Variants in DSCC1 observed in about 807,000 individuals in gnomAD.
The protein encoded by DSCC1 is sister chromatid cohesion protein DCC1.
DSCC1 carries 32 observed loss-of-function variants against 48.2 expected under a neutral mutation model. The ratio of observed to expected loss-of-function variants is 0.66; its 90% CI spans 0.50 to 0.89. DSCC1 has a LOEUF of 0.89. DSCC1 is among the 40% of genes least tolerant of loss of function. The pLI is 0.00. For missense variants in DSCC1, 421 were observed against 471.7 expected (o/e 0.89, Z 1.00); for synonymous variants, 150 against 171.5 (o/e 0.87, Z 0.98).
At position 119,834,249 on chromosome 8, in the gene DSCC1, A is replaced by G. The variant is rs994246925; in HGVS notation, c.*644T>C. On this transcript the variant is annotated 3_prime_UTR_variant, in exon 9 of 9. Coordinates refer to ENST00000313655, the MANE Select transcript of DSCC1 (RefSeq NM_024094.3). The stretch of plus-strand genomic sequence containing the variant: ...AAGCTGTAAAGGAACTTTATCAAGC[A>G]TTCCAAAACCAACTAGAAATTACTT... The G allele has an allele frequency of 1.1e-4, 16 of 152,264 alleles. No homozygotes were observed. Among genetic ancestry groups the G allele is most frequent in the African/African-American group, 3.4e-4 (14 of 41,476 alleles). 9.4% of individuals were successfully genotyped at this position (152,264 alleles called of 1,614,324 possible).
intron 5 of DSCC1, among the ~76,000 whole-genome samples, 166 bp downstream of exon 5, chr8:119,843,443 C>T (rs982773500): frequency 6.6e-6 from 1 of 152,062 alleles, no homozygotes; most frequent in Admixed American, 6.6e-5. Context: ...ATGTATTCAC[C>T]CCAGTGACCA....
chr8:119,855,389 T>G (rs1827001525), intron 1 of DSCC1, among the ~76,000 whole-genome samples: 1 of 152,234 alleles, frequency 6.6e-6, no homozygotes, highest in African/African-American at 2.4e-5. Flanking sequence ...TTGCTCCCGC[T>G]GACACATGCC....
chr8:119,852,939 A>T, intron 2 of DSCC1, 108 bp downstream of exon 2: 1 of 995,012 alleles, frequency 1.0e-6, no homozygotes. Context: ...AACTTCTTAG[A>T]TTCTCCCTGA....
chr8:119,840,654 A>T (rs1429049709), intron 7 of DSCC1, among the ~76,000 whole-genome samples: 2 of 152,104 alleles, frequency 1.3e-5, no homozygotes, highest in Non-Finnish European at 2.9e-5. Flanking sequence ...GCTCACATCT[A>T]TAATCTCAGC....
chr8:119,836,707 G>A (rs1826689974), intron 8 of DSCC1, among the ~76,000 whole-genome samples: 1 of 152,026 alleles, frequency 6.6e-6, no homozygotes, highest in Non-Finnish European at 1.5e-5. Flanking sequence ...CTGGACCTCA[G>A]GGAAAAGGGC....
chr8:119,835,461 C>T (rs1241877220), intron 8 of DSCC1, among the ~76,000 whole-genome samples: 1 of 151,706 alleles, frequency 6.6e-6, no homozygotes, highest in Non-Finnish European at 1.5e-5. Context: ...GAGCGGAGAT[C>T]GCGCCACTGC....
At chr8:119,848,614 G>T (rs1381951080) in intron 3 of DSCC1, among the ~76,000 whole-genome samples, 1 of 152,100 alleles carries the variant, frequency 6.6e-6, no homozygotes, top group Non-Finnish European at 1.5e-5. Flanking sequence ...CTGCTCCTAG[G>T]TACATACCCA....
intron 2 of DSCC1, among the ~76,000 whole-genome samples, chr8:119,851,694 A>G (rs1487803296): frequency 6.6e-6 from 1 of 152,040 alleles, no homozygotes. Flanking sequence ...GTGCTTTCCA[A>G]TTTGCTGTAG....
At chr8:119,839,934 T>G (rs1826743074) in intron 7 of DSCC1, 1 of 152,254 alleles carries the variant, frequency 6.6e-6, no homozygotes, top group African/African-American at 2.4e-5. Context: ...TAAGCCCCTT[T>G]TCTTTGTTCT....
chr8:119,852,756 A>G (rs1281314033), intron 2 of DSCC1: 1 of 232,948 alleles, frequency 4.3e-6, no homozygotes, highest in Non-Finnish European at 8.3e-6. Context: ...ATCTACTAAA[A>G]ATGGGTAGAA....
chr8:119,840,976 T>C (rs2131296667), intron 7 of DSCC1, among the ~76,000 whole-genome samples: 1 of 151,476 alleles, frequency 6.6e-6, no homozygotes, highest in South Asian at 2.1e-4. Context: ...GACTAGCATT[T>C]ATTTATTTAT....
At chr8:119,850,831 A>T (rs756964177) in intron 2 of DSCC1, among the ~76,000 whole-genome samples, 9 of 152,222 alleles carry the variant, frequency 5.9e-5, no homozygotes, top group Non-Finnish European at 1.2e-4. Flanking sequence ...CTCCAAACCA[A>T]GTGGAAACAA....
Position 119,853,182 on chromosome 8 carries a change from A to G in DSCC1, c.216T>C (p.Ala72=), listed in dbSNP as rs368479366. 28 of 1,612,132 alleles carry G rather than the reference A, an allele frequency of 1.7e-5. No individual in the cohort carries two copies. Among genetic ancestry groups the G allele is most frequent in the Admixed American group, 6.7e-5 (4 of 59,816 alleles). Residue 72 remains alanine (A), a synonymous_variant, in exon 2 of 9, where the codon GCT becomes GCC. Transcript: ENST00000313655. ...ATGTTTTGTCTTTACTGCACAGCAC[A>G]GCTTGCTCGTCTTTATCACCACGAA... The part of the protein sequence containing the change: ...LVIRGDKDEQ[A]VLCSKDKTYD...
intron 8 of DSCC1, among the ~76,000 whole-genome samples, chr8:119,835,255 C>T (rs779807501): frequency 6.6e-6 from 1 of 152,068 alleles, no homozygotes; most frequent in Non-Finnish European, 1.5e-5. Context: ...GCCTGTAATC[C>T]CAGCACTTTG....
chr8:119,850,404 T>C lies in DSCC1; in HGVS notation c.464A>G (p.Glu155Gly). ...TACTTTTGAGCTATTTGAATCCTTC[T>C]CTTTTTGACTGTCAGGTCCTTCATA... ...NPYEGPDSQKEKDSNSSKYTT... is the reference protein window; with the variant it reads ...NPYEGPDSQKGKDSNSSKYTT... Residue 155 changes from glutamate (E) to glycine (G), a missense_variant, in exon 3 of 9, where the codon GAG becomes GGG. This residue lies in a region of DSCC1 where 9 missense variants were observed against 28.2 expected (regional missense o/e 0.32). Coordinates refer to ENST00000313655, the MANE Select transcript of DSCC1 (RefSeq NM_024094.3). 2 of 1,589,814 alleles carry C rather than the reference T, an allele frequency of 1.3e-6. No homozygotes were observed. The highest frequency in any genetic ancestry group is 1.7e-6 in the Non-Finnish European group (2 of 1,173,342).
intron 3 of DSCC1, 112 bp from the exon 4 acceptor site, chr8:119,847,192 C>G (rs2131304709): frequency 3.7e-6 from 3 of 801,120 alleles, no homozygotes; most frequent in Middle Eastern, 3.6e-4. Flanking sequence ...TATTTATGCA[C>G]TAGCTCAGTT....
chr8:119,850,018 T>G (rs1375648524), intron 3 of DSCC1, among the ~76,000 whole-genome samples: 3 of 152,104 alleles, frequency 2.0e-5, no homozygotes, highest in African/African-American at 7.2e-5. Context: ...TTAAATAAAT[T>G]TTTTACCTCT....
Position 119,855,854 on chromosome 8 carries a change from G to A in DSCC1, c.-59C>T, listed in dbSNP as rs1827011418. 2 of 1,407,622 alleles carry A rather than the reference G, an allele frequency of 1.4e-6. No individual in the cohort carries two copies. The highest frequency in any genetic ancestry group is 1.5e-5 in the African/African-American group (1 of 65,418). 87.2% of individuals were successfully genotyped at this position (1,407,622 alleles called of 1,614,324 possible). A position where few individuals can be genotyped will look rare whatever the true frequency, so the allele number is the denominator to read the frequency against. On this transcript the variant is annotated 5_prime_UTR_variant, in exon 1 of 9. Transcript: ENST00000313655. Reference sequence around the variant, plus strand: ...GGGTGGCTGCGGGCTTGGCGGGCAAGAAAGAAGTTCCCAAGCAGCCGGAAG... The same window carrying A: ...GGGTGGCTGCGGGCTTGGCGGGCAAAAAAGAAGTTCCCAAGCAGCCGGAAG...
Position 119,838,263 on chromosome 8 carries a change from T to C in DSCC1, c.1069A>G (p.Ile357Val). Residue 357 changes from isoleucine to valine, a missense_variant, in exon 8 of 9, where the codon ATT (isoleucine) becomes GTT (valine). Around this residue, in one of 3 missense-constraint regions of DSCC1, gnomAD observed 238 missense variants for 259.0 expected, o/e 0.92. Coordinates refer to ENST00000313655, the MANE Select transcript of DSCC1 (RefSeq NM_024094.3). ...CGTCTTTAATAAATTACTTACTGAA[T>C]ATATGGAGCAATATCTTCTTCTGTC... The part of the protein sequence containing the change: ...KWTEEDIAPY[I>V]QDLCGEKQTI... 1 of 1,578,406 alleles carries C rather than the reference T, an allele frequency of 6.3e-7. No individual in the cohort carries two copies.
Sources: allele counts gnomAD v4.1 joint callset (sites outside exome capture counted in the v4.1 genomes callset), GRCh38; gene constraint gnomAD v4.1.1; regional missense constraint gnomAD v4.1.1; transcripts MANE v1.5; gene names NCBI Gene and HGNC (gene_info 2026-07-23, HGNC 2026-07-21).